Variants in CHRM3 observed in about 807,000 individuals in gnomAD.
The protein encoded by CHRM3 is cholinergic receptor muscarinic 3.
Under a neutral mutation model 41.8 loss-of-function variants are expected in CHRM3, and 11 were observed. That is an observed-to-expected ratio of 0.26 (90% CI 0.17 to 0.44). The LOEUF (loss-of-function observed/expected upper bound fraction) is 0.44, where lower values mean the gene tolerates loss of function less well. Among genes scored for constraint, CHRM3 ranks in the 20% least tolerant of loss-of-function variants. CHRM3 has a pLI of 1.00. For missense variants in CHRM3, 571 were observed against 745.4 expected (o/e 0.77, Z 2.72); for synonymous variants, 297 against 301.4 (o/e 0.99, Z 0.15).
chr1:239,681,977 A>T (rs1867264), intron 5 of CHRM3, among the ~76,000 whole-genome samples: 50,397 of 152,084 alleles, frequency 0.33, 8,734 homozygotes, highest in Middle Eastern at 0.49. Flanking sequence ...TTCATCAGCA[A>T]AGCTAAAGTG....
Position 239,698,552 on chromosome 1 carries a change from G to A in CHRM3, c.-147+20264G>A, listed in dbSNP as rs73110905. Among the ~76,000 whole-genome samples the A allele has an allele frequency of 3.9e-3, 588 of 152,234 alleles. 3 individuals are homozygous for A. Among genetic ancestry groups the A allele is most frequent in the African/African-American group, 0.013 (538 of 41,534 alleles). ...TTCTGGAAGTAAAATACTTAACACC[G>A]TAAGACTATTAAATTGATCAGCAGT... On this transcript the variant is annotated intron_variant, in intron 5 of 6. Transcript: ENST00000676153.
chr1:239,863,846 A>G (rs751301026), intron 6 of CHRM3, among the ~76,000 whole-genome samples: 8 of 152,212 alleles, frequency 5.3e-5, no homozygotes, highest in African/African-American at 1.9e-4. Flanking sequence ...TTGGTTTTTA[A>G]AAAGGAATTG....
intron 5 of CHRM3, among the ~76,000 whole-genome samples, chr1:239,732,997 T>C (rs959476494): frequency 2.0e-5 from 3 of 152,052 alleles, no homozygotes; most frequent in Non-Finnish European, 2.9e-5. Context: ...TTGGATTAAC[T>C]TTACCCAAAA....
At chr1:239,721,905 G>A (rs918926260) in intron 5 of CHRM3, among the ~76,000 whole-genome samples, 2 of 151,904 alleles carry the variant, frequency 1.3e-5, no homozygotes, top group African/African-American at 4.8e-5. Flanking sequence ...AATCAGAGCT[G>A]ATGTGGGAGA....
At chr1:239,412,309 CCCTTCCTTTCTTCTT>C (rs2103050756) in intron 1 of CHRM3, among the ~76,000 whole-genome samples, 2 of 32,972 alleles carry the variant, frequency 6.1e-5, no homozygotes, top group Admixed American at 4.4e-4. Context: ...CTTCTTTCCT[CCCTTCCTTTCTTCTT>C]CCTTCCTTCC....
chr1:239,610,990 G>T (rs1174709620), intron 3 of CHRM3, among the ~76,000 whole-genome samples: 1 of 152,094 alleles, frequency 6.6e-6, no homozygotes, highest in Admixed American at 6.5e-5. Flanking sequence ...GGTAGAGGTT[G>T]CAGTGAGCCA....
intron 2 of CHRM3, among the ~76,000 whole-genome samples, chr1:239,532,074 G>A (rs146163817): frequency 0.017 from 1,973 of 119,078 alleles, 28 homozygotes; most frequent in Non-Finnish European, 0.024. Context: ...GTGCAGTAGC[G>A]CGATCTCGGC....
At chr1:239,433,482 G>A (rs540087021) in intron 1 of CHRM3, among the ~76,000 whole-genome samples, 1 of 152,168 alleles carries the variant, frequency 6.6e-6, no homozygotes, top group Admixed American at 6.5e-5. Flanking sequence ...ATTTGCATAG[G>A]TTTTTGGGGA....
intron 6 of CHRM3, among the ~76,000 whole-genome samples, chr1:239,868,011 G>A (rs1676260193): frequency 6.6e-6 from 1 of 152,186 alleles, no homozygotes; most frequent in Admixed American, 6.5e-5. Flanking sequence ...AAGCCAAGGA[G>A]GAGCATAAAA....
At chr1:239,627,499 T>G (rs923411915) in intron 3 of CHRM3, among the ~76,000 whole-genome samples, 3 of 102,990 alleles carry the variant, frequency 2.9e-5, no homozygotes, top group Non-Finnish European at 6.0e-5. Context: ...TTAGTCCATT[T>G]ATATTTAAAG....
intron 2 of CHRM3, among the ~76,000 whole-genome samples, chr1:239,493,116 G>T (rs1363618605): frequency 1.3e-5 from 2 of 152,178 alleles, no homozygotes; most frequent in African/African-American, 4.8e-5. Context: ...GTAAGGGAAA[G>T]ATTTTTGCAA....
At chr1:239,622,309 C>G (rs1341218582) in intron 3 of CHRM3, among the ~76,000 whole-genome samples, 1 of 152,088 alleles carries the variant, frequency 6.6e-6, no homozygotes, top group Non-Finnish European at 1.5e-5. Flanking sequence ...AATCAAGGAG[C>G]AATTTTGGCT....
At chr1:239,897,095 G>A (rs1428259668) in intron 6 of CHRM3, among the ~76,000 whole-genome samples, 4 of 152,158 alleles carry the variant, frequency 2.6e-5, no homozygotes, top group Non-Finnish European at 4.4e-5. Context: ...ATGTGCCCAC[G>A]TGGCAGAATC....
At chr1:239,624,676 A>G (rs1345293847) in intron 3 of CHRM3, among the ~76,000 whole-genome samples, 13 of 136,868 alleles carry the variant, frequency 9.5e-5, no homozygotes, top group Admixed American at 3.7e-4. Flanking sequence ...TGATTTTTGT[A>G]TAAGGTGTAA....
intron 2 of CHRM3, among the ~76,000 whole-genome samples, chr1:239,497,949 C>G (rs933374419): frequency 6.6e-6 from 1 of 152,116 alleles, no homozygotes; most frequent in African/African-American, 2.4e-5. Context: ...GAAACCTGAG[C>G]AAATCAACAG....
intron 5 of CHRM3, among the ~76,000 whole-genome samples, chr1:239,729,531 A>G (rs1663764102): frequency 6.6e-6 from 1 of 151,990 alleles, no homozygotes; most frequent in Admixed American, 6.6e-5. Flanking sequence ...ACTTGTTGTC[A>G]GTGATAAAAT....
At chr1:239,515,158 G>C (rs1185084868) in intron 2 of CHRM3, among the ~76,000 whole-genome samples, 1 of 151,830 alleles carries the variant, frequency 6.6e-6, no homozygotes, top group Admixed American at 6.6e-5. Context: ...CATGTGGCCT[G>C]TTTGGTTAGT....
At chr1:239,823,515 A>T (rs1037514700) in intron 5 of CHRM3, among the ~76,000 whole-genome samples, 1 of 152,158 alleles carries the variant, frequency 6.6e-6, no homozygotes. Flanking sequence ...CATTGGGACC[A>T]TAATGCCTTC....
At chr1:239,618,710 G>A (rs1302350346) in intron 3 of CHRM3, among the ~76,000 whole-genome samples, 6 of 150,680 alleles carry the variant, frequency 4.0e-5, no homozygotes, top group African/African-American at 7.3e-5. Flanking sequence ...TGGGCGTGGT[G>A]GCAGCCACCT....
Sources: gnomAD v4.1 joint callset for allele counts (sites outside exome capture counted in the v4.1 genomes callset) on GRCh38, gnomAD v4.1.1 for gene constraint, MANE v1.5 for transcripts, NCBI Gene and HGNC (gene_info 2026-07-23, HGNC 2026-07-21) for gene names.